GRIK2: variants seen among roughly 807,000 people sequenced by gnomAD.
GRIK2 encodes glutamate receptor ionotropic, kainate 2.
GRIK2 carries 32 observed loss-of-function variants against 100.3 expected under a neutral mutation model. The observed-to-expected ratio is 0.32, with a 90% CI of 0.24 to 0.43. GRIK2 has a LOEUF of 0.43. GRIK2 is among the 20% of genes least tolerant of loss of function. GRIK2 has a pLI of 1.00. For missense variants in GRIK2, 843 were observed against 1,114.9 expected (o/e 0.76, Z 3.47); for synonymous variants, 417 against 389.4 (o/e 1.07, Z -0.83).
At chr6:101,829,727 C>A (rs1209178306) in intron 10 of GRIK2, among the ~76,000 whole-genome samples, 12 of 151,818 alleles carry the variant, frequency 7.9e-5, no homozygotes, top group Admixed American at 4.6e-4. Flanking sequence ...AAAGACAAAA[C>A]AACAACAACA....
intron 15 of GRIK2, among the ~76,000 whole-genome samples, chr6:102,044,475 G>A (rs533654220): frequency 6.6e-6 from 1 of 151,970 alleles, no homozygotes; most frequent in African/African-American, 2.4e-5. Context: ...TCTGATTTAT[G>A]GCGGGAGGTG....
At chr6:101,651,326 TTTCATTCA>T (rs751012215) in intron 4 of GRIK2, among the ~76,000 whole-genome samples, 1 of 152,120 alleles carries the variant, frequency 6.6e-6, no homozygotes, top group Non-Finnish European at 1.5e-5. Flanking sequence ...TTAAAGACCA[TTTCATTCA>T]TTCATTCATT....
chr6:101,424,321 C>A (rs1429537390), intron 2 of GRIK2, among the ~76,000 whole-genome samples: 1 of 148,938 alleles, frequency 6.7e-6, no homozygotes, highest in South Asian at 2.2e-4. Flanking sequence ...CCTCCCCCAT[C>A]CCCCCACCCC....
At position 101,934,932 on chromosome 6, in the gene GRIK2, A is replaced by G. The variant is rs1385377605; in HGVS notation, c.2085+6300A>G. Among the ~76,000 whole-genome samples, 3 of 152,048 alleles carry G rather than the reference A, an allele frequency of 2.0e-5. No individual in the cohort carries two copies. The East Asian group carries it at 5.8e-4, about 29-fold the overall frequency. ...AAATTAACCTAAAAATAATATTTAA[A>G]GATGAGAAATATTATCTAGAACTTT... On this transcript the variant is annotated intron_variant, in intron 14 of 16. Transcript: ENST00000369134.
At chr6:102,034,328 C>G (rs17062766) in intron 14 of GRIK2, among the ~76,000 whole-genome samples, 12,406 of 151,286 alleles carry the variant, frequency 0.082, 1,724 homozygotes, top group African/African-American at 0.29. Context: ...CATTTATTTC[C>G]TTGCACATGT....
chr6:102,059,182 C>T (rs1771618771), intron 16 of GRIK2, among the ~76,000 whole-genome samples: 1 of 151,058 alleles, frequency 6.6e-6, no homozygotes, highest in South Asian at 2.1e-4. Context: ...TGTGGACCTT[C>T]AAGCATTTAA....
At chr6:101,812,992 AG>A (rs1781428165) in intron 9 of GRIK2, among the ~76,000 whole-genome samples, 1 of 152,006 alleles carries the variant, frequency 6.6e-6, no homozygotes, top group South Asian at 2.1e-4. Flanking sequence ...CTCAGTCTTT[AG>A]GTAACATATT....
At chr6:101,883,995 T>C (rs1786444056) in intron 11 of GRIK2, among the ~76,000 whole-genome samples, 1 of 152,128 alleles carries the variant, frequency 6.6e-6, no homozygotes, top group African/African-American at 2.4e-5. Context: ...AAAGAGATTC[T>C]AGTTGGGCAA....
At chr6:101,805,179 C>T (rs1780917417) in intron 9 of GRIK2, among the ~76,000 whole-genome samples, 1 of 151,850 alleles carries the variant, frequency 6.6e-6, no homozygotes, top group Admixed American at 6.6e-5. Flanking sequence ...CATCCCTACC[C>T]TGATGGAATT....
intron 14 of GRIK2, among the ~76,000 whole-genome samples, chr6:102,019,235 A>G (rs1471799178): frequency 6.6e-6 from 1 of 152,038 alleles, no homozygotes; most frequent in Non-Finnish European, 1.5e-5. Flanking sequence ...TACCTTCTTA[A>G]CATGGTATCT....
chr6:101,877,477 C>T (rs982772820), intron 11 of GRIK2, among the ~76,000 whole-genome samples: 2 of 151,878 alleles, frequency 1.3e-5, no homozygotes, highest in African/African-American at 4.8e-5. Context: ...TATGCAAATA[C>T]TATATACTTC....
chr6:102,068,451 A>G lies in GRIK2; in HGVS notation c.2667A>G (p.Glu889=), dbSNP rs967758527. 1 of 1,612,204 alleles carries G rather than the reference A, an allele frequency of 6.2e-7. No individual in the cohort carries two copies. Among genetic ancestry groups the G allele is most frequent in the Non-Finnish European group, 8.5e-7 (1 of 1,178,702 alleles). The change falls in exon 17 of 17, where the codon GAA becomes GAG. Residue 889 remains glutamate, a synonymous_variant. Transcript: ENST00000369134. ...PQAPVIVKTE[E]VINMHTFNDR... ...CCCCAGTTATTGTGAAAACAGAAGA[A>G]GTTATCAACATGCACACATTTAACG... is the stretch of plus-strand genomic sequence containing the variant.
intron 11 of GRIK2, among the ~76,000 whole-genome samples, chr6:101,874,895 G>A (rs938219453): frequency 2.0e-5 from 3 of 152,012 alleles, no homozygotes; most frequent in African/African-American, 7.2e-5. Flanking sequence ...TTGGCTCTCT[G>A]TTTGTCTGTT....
intron 7 of GRIK2, 50 bp from the exon 8 acceptor site, chr6:101,799,598 A>T (rs765325867): frequency 1.2e-4 from 181 of 1,477,170 alleles, no homozygotes; most frequent in Middle Eastern, 1.7e-4. Context: ...ATCTACCACA[A>T]GTTCTACAAG....
At chr6:101,972,800 A>AAATGCACCATTTTCTT (rs1173721103) in intron 14 of GRIK2, among the ~76,000 whole-genome samples, 3 of 151,878 alleles carry the variant, frequency 2.0e-5, no homozygotes, top group Non-Finnish European at 4.4e-5. Context: ...TCTTGAATAG[A>AAATGCACCATTTTCTT]GAGTCCCTTT....
intron 11 of GRIK2, among the ~76,000 whole-genome samples, chr6:101,883,544 A>G (rs186999179): frequency 9.9e-5 from 15 of 152,206 alleles, no homozygotes; most frequent in Non-Finnish European, 2.2e-4. Flanking sequence ...CATTTCATGA[A>G]GAAAATTAAA....
chr6:101,763,796 C>T (rs1292772565), intron 7 of GRIK2, among the ~76,000 whole-genome samples: 3 of 151,410 alleles, frequency 2.0e-5, no homozygotes, highest in Admixed American at 2.0e-4. Context: ...TTATTTAATT[C>T]TTAATATTAT....
chr6:101,847,431 TTG>T (rs1224910987), intron 10 of GRIK2, among the ~76,000 whole-genome samples: 3 of 152,168 alleles, frequency 2.0e-5, no homozygotes, highest in Non-Finnish European at 4.4e-5. Flanking sequence ...TTACTGGTTA[TTG>T]TAGTTCTTTG....
chr6:101,585,690 C>A (rs923613927), intron 2 of GRIK2, among the ~76,000 whole-genome samples: 4 of 151,944 alleles, frequency 2.6e-5, no homozygotes, highest in African/African-American at 4.8e-5. Context: ...AAATGCACTG[C>A]AAGAAATTGG....
Sources: allele counts gnomAD v4.1 joint callset (sites outside exome capture counted in the v4.1 genomes callset), GRCh38; gene constraint gnomAD v4.1.1; transcripts MANE v1.5; gene names NCBI Gene and HGNC (gene_info 2026-07-23, HGNC 2026-07-21).